The following CNBD1 variants were observed in gnomAD, a reference collection of about 807,000 sequenced individuals.
CNBD1 encodes the protein cyclic nucleotide binding domain containing 1.
CNBD1 carries 71 observed loss-of-function variants against 54.4 expected under a neutral mutation model. The ratio of observed to expected loss-of-function variants is 1.30; its 90% CI spans 1.08 to 1.59. The LOEUF is 1.59. Ranked by LOEUF, CNBD1 falls within the 40% of genes most tolerant of loss-of-function variation. The pLI is 0.00. For missense variants in CNBD1, 659 were observed against 518.0 expected, an observed-to-expected ratio of 1.27 and a Z score of -2.64; for synonymous variants, 182 against 170.7, an observed-to-expected ratio of 1.07 and a Z score of -0.51.
At chr8:87,067,247 C>A (rs1417573608) in intron 4 of CNBD1, among the ~76,000 whole-genome samples, 1 of 151,752 alleles carries the variant, frequency 6.6e-6, no homozygotes, top group Non-Finnish European at 1.5e-5. Context: ...TATTTTTTTC[C>A]AGCAAATAAA....
At chr8:86,907,960 TATC>T (rs1192631126) in intron 3 of CNBD1, among the ~76,000 whole-genome samples, 1 of 152,238 alleles carries the variant, frequency 6.6e-6, no homozygotes, top group African/African-American at 2.4e-5. Context: ...ATTTACCTGT[TATC>T]ATTGTCATAT....
intron 4 of CNBD1, among the ~76,000 whole-genome samples, chr8:87,156,463 T>C (rs2130754512): frequency 6.7e-6 from 1 of 149,854 alleles, no homozygotes; most frequent in South Asian, 2.1e-4. Context: ...CAGGCTGGTC[T>C]CAACCCCTGA....
chr8:86,873,164 C>T (rs565332522), intron 1 of CNBD1, among the ~76,000 whole-genome samples: 6 of 150,658 alleles, frequency 4.0e-5, no homozygotes, highest in South Asian at 2.1e-4. Context: ...TGCAGTGGCA[C>T]GATCTTGGTT....
chr8:87,071,401 A>C (rs1449370482), intron 4 of CNBD1, among the ~76,000 whole-genome samples: 1 of 152,182 alleles, frequency 6.6e-6, no homozygotes, highest in East Asian at 1.9e-4. Flanking sequence ...GGCTCCATTC[A>C]TTAGCAGGCT....
chr8:87,177,269 T>C (rs893138386), intron 4 of CNBD1, among the ~76,000 whole-genome samples: 138 of 152,264 alleles, frequency 9.1e-4, no homozygotes, highest in African/African-American at 3.3e-3. Flanking sequence ...ATCATCATGA[T>C]CCAATTGCAA....
At chr8:87,226,802 T>C (rs1337592693) in intron 5 of CNBD1, among the ~76,000 whole-genome samples, 1 of 151,334 alleles carries the variant, frequency 6.6e-6, no homozygotes, top group Admixed American at 6.6e-5. Flanking sequence ...CCTTGTTGAC[T>C]TTCTGTCTCG....
chr8:87,097,336 G>T (rs956524998), intron 4 of CNBD1, among the ~76,000 whole-genome samples: 3 of 152,092 alleles, frequency 2.0e-5, no homozygotes, highest in Non-Finnish European at 2.9e-5. Context: ...AGAAACTGAG[G>T]TTCGTAGTTT....
chr8:87,336,262 GTTC>G (rs1809943550), intron 8 of CNBD1, among the ~76,000 whole-genome samples: 1 of 152,250 alleles, frequency 6.6e-6, no homozygotes, highest in East Asian at 1.9e-4. Flanking sequence ...GGTTGGGGAA[GTTC>G]TTCTGGATAA....
chr8:87,276,975 AATT>A (rs199589405), intron 6 of CNBD1, among the ~76,000 whole-genome samples: 3,000 of 134,284 alleles, frequency 0.022, 75 homozygotes, highest in African/African-American at 0.064. Flanking sequence ...GAGCTTGAAT[AATT>A]ATTTTTTTTT....
At chr8:86,961,208 G>C (rs1332268853) in intron 4 of CNBD1, among the ~76,000 whole-genome samples, 1 of 152,130 alleles carries the variant, frequency 6.6e-6, no homozygotes, top group African/African-American at 2.4e-5. Context: ...CTAGCCATAA[G>C]ATAGCACTAC....
At chr8:87,395,804 G>C (rs1811398359) in intron 2 of CNBD1, among the ~76,000 whole-genome samples, 1 of 151,874 alleles carries the variant, frequency 6.6e-6, no homozygotes, top group South Asian at 2.1e-4. Context: ...CCTGGTGAGA[G>C]ATAATTGAAT....
In CNBD1 at chr8:86,939,664, A is replaced by G. The variant is rs1448245838; in HGVS notation, c.341A>G (p.His114Arg). ...QPDDSNNIAV[H>R]VQRAHGGHIL... ...GATGATTCTAACAATATAGCTGTCC[A>G]TGTTCAGAGAGCACATGGTGGCCAT... Residue 114 changes from histidine to arginine, a missense_variant, in exon 4 of 11, where the codon CAT (histidine) becomes CGT (arginine). Coordinates refer to ENST00000518476, the MANE Select transcript of CNBD1 (RefSeq NM_173538.3). 2 of 1,606,792 alleles carry G rather than the reference A, an allele frequency of 1.2e-6. No homozygotes were observed. The highest frequency in any genetic ancestry group is 1.3e-5 in the African/African-American group (1 of 74,650).
intron 4 of CNBD1, among the ~76,000 whole-genome samples, chr8:87,027,151 T>C (rs1809665745): frequency 6.6e-6 from 1 of 151,672 alleles, no homozygotes. Flanking sequence ...TAAATACTTC[T>C]GATAGTAATA....
intron 4 of CNBD1, among the ~76,000 whole-genome samples, chr8:87,179,112 T>C (rs1563497341): frequency 2.0e-5 from 3 of 152,188 alleles, no homozygotes; most frequent in Non-Finnish European, 1.5e-5. Context: ...GGTTTCACCA[T>C]GTTGGCCAGG....
At chr8:87,116,996 T>C (rs1345933512) in intron 4 of CNBD1, among the ~76,000 whole-genome samples, 2 of 152,234 alleles carry the variant, frequency 1.3e-5, no homozygotes, top group Non-Finnish European at 1.5e-5. Context: ...ATCTGTCTTT[T>C]GGCTATTTGT....
At chr8:86,910,060 T>A (rs1238039385) in intron 3 of CNBD1, among the ~76,000 whole-genome samples, 1 of 152,122 alleles carries the variant, frequency 6.6e-6, no homozygotes, top group East Asian at 1.9e-4. Context: ...TTAAGCACGA[T>A]TTGTCTTCAT....
At chr8:87,391,080 G>A (rs565051168) in intron 2 of CNBD1, among the ~76,000 whole-genome samples, 15 of 151,800 alleles carry the variant, frequency 9.9e-5, no homozygotes, top group Non-Finnish European at 1.9e-4. Context: ...ATCACACACC[G>A]GGGCCTGTTG....
At chr8:87,236,836 G>GT (rs879291002) in intron 5 of CNBD1, 83 bp from the exon 6 acceptor site, 23 of 710,494 alleles carry the variant, frequency 3.2e-5, no homozygotes, top group Non-Finnish European at 4.7e-5. Flanking sequence ...TGAAAGTACC[G>GT]TAAGTGTAAT....
At chr8:87,117,456 A>T (rs997424773) in intron 4 of CNBD1, among the ~76,000 whole-genome samples, 3 of 148,992 alleles carry the variant, frequency 2.0e-5, no homozygotes, top group African/African-American at 7.3e-5. Context: ...AACCTAGGAT[A>T]GTTGGACATG....
Sources: allele counts gnomAD v4.1 joint callset (sites outside exome capture counted in the v4.1 genomes callset), GRCh38; gene constraint gnomAD v4.1.1; transcripts MANE v1.5; gene names NCBI Gene and HGNC (gene_info 2026-07-23, HGNC 2026-07-21).